The following ATP7B variants were observed in gnomAD, a reference collection of about 807,000 sequenced individuals.
The protein encoded by ATP7B is copper-transporting ATPase 2.
ATP7B carries 113 observed loss-of-function variants against 118.9 expected under a neutral mutation model. The observed-to-expected ratio is 0.95, with a 90% confidence interval of 0.82 to 1.11. The LOEUF is 1.11. Among genes scored for constraint, ATP7B ranks in the 50% most tolerant of loss-of-function variants. The pLI, the probability that ATP7B is intolerant of heterozygous loss-of-function variation, is 0.00. For missense variants in ATP7B, 1,867 were observed against 1,871.4 expected, an observed-to-expected ratio of 1.00 and a Z score of 0.04; for synonymous variants, 777 against 727.4, an observed-to-expected ratio of 1.07 and a Z score of -1.10.
chr13:51,970,339 T>A (rs1251757021), intron 3 of ATP7B, among the ~76,000 whole-genome samples, 153 bp downstream of exon 3: 2 of 152,224 alleles, frequency 1.3e-5, no homozygotes, highest in African/African-American at 4.8e-5. Flanking sequence ...ATGCCAGTTA[T>A]ACAAGGACAT....
At chr13:52,003,968 A>G (rs1379558844) in intron 1 of ATP7B, among the ~76,000 whole-genome samples, 1 of 152,220 alleles carries the variant, frequency 6.6e-6, no homozygotes, top group African/African-American at 2.4e-5. Flanking sequence ...CCTAAAAGAC[A>G]GCAGGACTGG....
At position 51,946,279 on chromosome 13, in the gene ATP7B, C is replaced by T. The variant is rs1353373400; in HGVS notation, c.3060+5G>A. On this transcript the variant is annotated splice_donor_5th_base_variant and intron_variant, in intron 13 of 20. Transcript: ENST00000242839. The stretch of plus-strand genomic sequence containing the variant: ...AGGATGGGGAAAGCCGTGCTACAGG[C>T]TGACCTTGTGCGCCATCTCCAGGGG... 2 of 1,575,398 alleles carry T rather than the reference C, an allele frequency of 1.3e-6. No homozygotes were observed. Among genetic ancestry groups the T allele is most frequent in the Non-Finnish European group, 1.7e-6 (2 of 1,160,376 alleles).
Position 51,960,329 on chromosome 13 carries a change from A to G in ATP7B, c.1947-7T>C, listed in dbSNP as rs756336538. ...CAGGAAAGACTTCTTCCACCTGGAA[A>G]GCAAATGCAGCAACACAGATATATC... On this transcript the variant is annotated splice_region_variant and splice_polypyrimidine_tract_variant and intron_variant, in intron 6 of 20. Coordinates refer to ENST00000242839, the MANE Select transcript of ATP7B (RefSeq NM_000053.4). The G allele has an allele frequency of 1.9e-6, 3 of 1,612,330 alleles. No homozygotes were observed. The highest frequency in any genetic ancestry group is 1.3e-5 in the African/African-American group (1 of 75,006).
chr13:51,937,875 G>A (rs1957066661), intron 17 of ATP7B, among the ~76,000 whole-genome samples, 196 bp from the exon 18 acceptor site: 1 of 152,166 alleles, frequency 6.6e-6, no homozygotes, highest in Admixed American at 6.5e-5. Context: ...ACTGGTTTAG[G>A]CCCTGTCCTT....
chr13:51,983,888 T>G (rs1952534569), intron 1 of ATP7B, among the ~76,000 whole-genome samples: 1 of 151,882 alleles, frequency 6.6e-6, no homozygotes, highest in Admixed American at 6.6e-5. Flanking sequence ...GGACGTCCAC[T>G]CAGAAACGCC....
chr13:51,960,411 GA>G (rs1473216663), intron 6 of ATP7B, 89 bp from the exon 7 acceptor site: 2 of 1,497,348 alleles, frequency 1.3e-6, no homozygotes, highest in East Asian at 4.8e-5. Flanking sequence ...CACAGTTTAA[GA>G]CCTGCCTTTG....
Position 51,983,975 on chromosome 13 carries a change from G to A in ATP7B, c.52-8807C>T, listed in dbSNP as rs183553290. Among the ~76,000 whole-genome samples, 741 of 152,234 alleles carry A rather than the reference G, an allele frequency of 4.9e-3. 4 individuals carry two copies. Among genetic ancestry groups the A allele is most frequent in the African/African-American group, 0.017 (711 of 41,550 alleles). On this transcript the variant is annotated intron_variant, in intron 1 of 20. Transcript: ENST00000242839. ...GGGGAGAAACCAGCGCAACAAGCCT[G>A]AAAATTCCAAAAACCAGAATGCCTC... is the stretch of plus-strand genomic sequence containing the variant.
intron 1 of ATP7B, among the ~76,000 whole-genome samples, chr13:52,001,007 G>A (rs978304840): frequency 3.3e-5 from 5 of 152,142 alleles, no homozygotes; most frequent in South Asian, 2.1e-4. Context: ...GTGACAGTGT[G>A]AGATTCTGTC....
intron 14 of ATP7B, 28 bp downstream of exon 14, chr13:51,944,081 G>A: frequency 3.1e-6 from 5 of 1,613,634 alleles, no homozygotes; most frequent in African/African-American, 1.3e-5. Context: ...TTGGCGGGGA[G>A]GGCAGGGCCA....
intron 4 of ATP7B, among the ~76,000 whole-genome samples, chr13:51,966,192 T>G (rs903740987): frequency 6.6e-6 from 1 of 152,232 alleles, no homozygotes; most frequent in African/African-American, 2.4e-5. Flanking sequence ...GTCCTAGGCA[T>G]TGTGCTACTC....
chr13:51,942,678 AGAG>A, intron 14 of ATP7B, 124 bp from the exon 15 acceptor site: 1 of 1,181,656 alleles, frequency 8.5e-7, no homozygotes, highest in Non-Finnish European at 1.2e-6. Context: ...GCGGGAACTG[AGAG>A]AAAGGAGGGG....
In ATP7B at chr13:51,984,291, C is replaced by T. The variant is rs141901106; in HGVS notation, c.52-9123G>A. On this transcript the variant is annotated intron_variant, in intron 1 of 20. Coordinates refer to ENST00000242839, the MANE Select transcript of ATP7B (RefSeq NM_000053.4). Reference sequence around the variant, plus strand: ...CATACACAAGTATCAATAGCCAAATCGATCAAGCAGAAGAAAGAATATCAG... The same window carrying T: ...CATACACAAGTATCAATAGCCAAATTGATCAAGCAGAAGAAAGAATATCAG... Among the ~76,000 whole-genome samples the T allele has an allele frequency of 3.9e-3, 585 of 151,940 alleles. 2 individuals carry two copies. The highest frequency in any genetic ancestry group is 0.012 in the African/African-American group (483 of 41,448).
Position 51,968,584 on chromosome 13 carries a change from A to G in ATP7B, c.1567T>C (p.Leu523=), listed in dbSNP as rs368662351. The change falls in exon 4 of 21, where the codon TTG becomes CTG. Residue 523 remains leucine (L), a synonymous_variant. Transcript: ENST00000242839. ...TTGATCTCTGCCTTTCCTGCCATCA[A>G]GGCAACCAACACGGAGAGAACACCT... ...EAGVLSVLVA[L]MAGKAEIKYD... 22 of 1,614,008 alleles carry G rather than the reference A, an allele frequency of 1.4e-5. No homozygotes were observed. Among genetic ancestry groups the G allele is most frequent in the Non-Finnish European group, 1.8e-5 (21 of 1,180,042 alleles).
At chr13:51,939,276 T>C (rs1359148364) in intron 16 of ATP7B, 83 bp from the exon 17 acceptor site, 2 of 1,582,862 alleles carry the variant, frequency 1.3e-6, no homozygotes, top group African/African-American at 1.3e-5. Context: ...GTTCTCATCA[T>C]ATAATATTAT....
At chr13:51,942,968 T>C (rs945934893) in intron 14 of ATP7B, among the ~76,000 whole-genome samples, 7 of 152,016 alleles carry the variant, frequency 4.6e-5, no homozygotes, top group African/African-American at 1.7e-4. Flanking sequence ...TTAAAAACAA[T>C]GGAATAAGTA....
In ATP7B at chr13:51,961,832, C is replaced by T. The variant is rs2139666211; in HGVS notation, c.1946+5G>A. ...GCTGGAGTTTATCTTTTGTGTTCTA[C>T]CTACTGCTTTATTTCCATCTTGTGG... is the stretch of plus-strand genomic sequence containing the variant. On this transcript the variant is annotated splice_donor_5th_base_variant and intron_variant, in intron 6 of 20. Coordinates refer to ENST00000242839, the MANE Select transcript of ATP7B (RefSeq NM_000053.4). 1.2e-6 allele frequency: 2 copies of T among 1,613,026 alleles called. No individual in the cohort carries two copies. The highest frequency in any genetic ancestry group is 1.1e-5 in the South Asian group (1 of 91,056).
intron 19 of ATP7B, 102 bp from the exon 20 acceptor site, chr13:51,935,797 G>T: frequency 2.9e-6 from 3 of 1,021,388 alleles, no homozygotes; most frequent in Non-Finnish European, 4.3e-6. Context: ...CCCCAGTGAG[G>T]TCTCCACCTG....
At chr13:52,004,790 G>T (rs571767021) in intron 1 of ATP7B, among the ~76,000 whole-genome samples, 8 of 152,242 alleles carry the variant, frequency 5.3e-5, no homozygotes, top group East Asian at 1.9e-4. Context: ...CTGCCCTAGT[G>T]GGGGCACTCT....
At chr13:51,960,463 T>C in intron 6 of ATP7B, 141 bp from the exon 7 acceptor site, 1 of 1,042,958 alleles carries the variant, frequency 9.6e-7, no homozygotes, top group Non-Finnish European at 1.4e-6. Context: ...AAAATGAAAG[T>C]AAGAACTCTC....
Sources: gnomAD v4.1 joint callset for allele counts (sites outside exome capture counted in the v4.1 genomes callset) on GRCh38, gnomAD v4.1.1 for gene constraint, MANE v1.5 for transcripts, NCBI Gene and HGNC (gene_info 2026-07-23, HGNC 2026-07-21) for gene names.